The following NOX3 variants were observed in gnomAD, a reference collection of about 807,000 sequenced individuals.
NOX3 encodes NADPH oxidase 3, also known as NADPH oxidase catalytic subunit-like 3.
In NOX3, 74 loss-of-function variants were observed where a neutral mutation model predicts 76.7. That is an observed-to-expected ratio of 0.96 (90% CI 0.80 to 1.17). NOX3 has a LOEUF of 1.17. Among genes scored for constraint, NOX3 ranks in the 50% most tolerant of loss-of-function variants. The probability of loss-of-function intolerance (pLI) is 0.00; values close to 1 mark genes in which losing one functional copy is unlikely to be tolerated. For synonymous variants in NOX3, 263 were observed against 261.1 expected, an observed-to-expected ratio of 1.01 and a Z score of -0.07; for missense variants, 695 against 703.3, an observed-to-expected ratio of 0.99 and a Z score of 0.13.
intron 10 of NOX3, among the ~76,000 whole-genome samples, chr6:155,421,387 GA>G (rs1179924611): frequency 2.6e-5 from 4 of 152,188 alleles, no homozygotes; most frequent in Non-Finnish European, 4.4e-5. Flanking sequence ...GGAAACTCAT[GA>G]AATAGTTAAC....
intron 7 of NOX3, among the ~76,000 whole-genome samples, chr6:155,434,914 C>T (rs530762692): frequency 1.1e-4 from 17 of 152,224 alleles, no homozygotes; most frequent in African/African-American, 3.1e-4. Context: ...ATCAGAGCAC[C>T]GTGAAAACGC....
At chr6:155,414,989 G>A (rs1562461177) in intron 10 of NOX3, among the ~76,000 whole-genome samples, 1 of 152,106 alleles carries the variant, frequency 6.6e-6, no homozygotes, top group South Asian at 2.1e-4. Context: ...GACTGTCATG[G>A]CGTTGAGGGT....
intron 9 of NOX3, among the ~76,000 whole-genome samples, chr6:155,426,420 G>T (rs1485051176): frequency 6.6e-6 from 1 of 152,170 alleles, no homozygotes; most frequent in Non-Finnish European, 1.5e-5. Context: ...AACATGCCAG[G>T]TGGTGGTATG....
At chr6:155,452,638 C>CTTT (rs34384795) in intron 4 of NOX3, among the ~76,000 whole-genome samples, 16 of 149,600 alleles carry the variant, frequency 1.1e-4, no homozygotes, top group African/African-American at 3.9e-4. Context: ...TTTTACTCTG[C>CTTT]TTTTTTTTTT....
intron 12 of NOX3, among the ~76,000 whole-genome samples, chr6:155,398,779 C>A (rs778005390): frequency 6.6e-6 from 1 of 152,122 alleles, no homozygotes; most frequent in Non-Finnish European, 1.5e-5. Context: ...TTGGGCATGT[C>A]AATTACCTTC....
chr6:155,424,338 G>C (rs1273101147), intron 9 of NOX3, among the ~76,000 whole-genome samples: 1 of 152,132 alleles, frequency 6.6e-6, no homozygotes, highest in African/African-American at 2.4e-5. Context: ...AGCACTCCCT[G>C]ACATGAAGTT....
intron 6 of NOX3, among the ~76,000 whole-genome samples, chr6:155,437,321 T>C (rs752893274): frequency 1.3e-4 from 20 of 152,210 alleles, no homozygotes; most frequent in Admixed American, 9.2e-4. Context: ...GTTCAGTTCC[T>C]AGGTGTTTGT....
chr6:155,436,443 G>C lies in NOX3; in HGVS notation c.773C>G (p.Pro258Arg), dbSNP rs758178198. ...EWQTVAQCPV[P>R]QFSGKEPSAW... is the part of the protein sequence containing the mutation. ...CGAGGGTTCCTTGCCAGAAAATTGA[G>C]GCACGGGGCATTGGGCCACTGTCTG... is the stretch of plus-strand genomic sequence containing the variant. The change falls in exon 7 of 14, where the codon CCT (proline) becomes CGT (arginine). Residue 258 changes from proline to arginine, a missense_variant. Coordinates refer to ENST00000159060, the MANE Select transcript of NOX3 (RefSeq NM_015718.3). The C allele has an allele frequency of 1.2e-6, 2 of 1,614,128 alleles. No homozygotes were observed. The highest frequency in any genetic ancestry group is 8.5e-7 in the Non-Finnish European group (1 of 1,179,998).
At chr6:155,426,960 C>T (rs1337640295) in intron 9 of NOX3, among the ~76,000 whole-genome samples, 2 of 125,052 alleles carry the variant, frequency 1.6e-5, no homozygotes, top group South Asian at 2.7e-4. Flanking sequence ...GAGCAGGGAC[C>T]GAGAAAGCAG....
chr6:155,405,207 G>A (rs546617386), intron 12 of NOX3, among the ~76,000 whole-genome samples: 3 of 152,184 alleles, frequency 2.0e-5, no homozygotes, highest in Non-Finnish European at 4.4e-5. Flanking sequence ...CATCGCCGGG[G>A]ATATGGAAGC....
chr6:155,447,871 C>A (rs1050033017), intron 4 of NOX3, among the ~76,000 whole-genome samples: 2 of 152,132 alleles, frequency 1.3e-5, no homozygotes, highest in Non-Finnish European at 2.9e-5. Context: ...TTGATAGACA[C>A]CAGGGGAGAT....
At chr6:155,436,245 G>A (rs1347367745) in intron 7 of NOX3, among the ~76,000 whole-genome samples, 173 bp downstream of exon 7, 1 of 152,160 alleles carries the variant, frequency 6.6e-6, no homozygotes, top group Non-Finnish European at 1.5e-5. Context: ...TAGTGCTTTT[G>A]GCAGTAAACC....
intron 10 of NOX3, among the ~76,000 whole-genome samples, chr6:155,413,727 C>T (rs1040606469): frequency 2.6e-5 from 4 of 152,122 alleles, no homozygotes; most frequent in Non-Finnish European, 4.4e-5. Context: ...TGCATGACCC[C>T]CTCCTCCCTG....
At chr6:155,435,289 G>A (rs1280241782) in intron 7 of NOX3, among the ~76,000 whole-genome samples, 1 of 152,066 alleles carries the variant, frequency 6.6e-6, no homozygotes, top group Non-Finnish European at 1.5e-5. Flanking sequence ...GGGGAGTATT[G>A]ATTTTTTTAT....
At chr6:155,409,716 A>T (rs1371808820) in intron 11 of NOX3, among the ~76,000 whole-genome samples, 1 of 152,200 alleles carries the variant, frequency 6.6e-6, no homozygotes, top group East Asian at 1.9e-4. Flanking sequence ...TAAATGTGGA[A>T]ATTAGTGATT....
intron 6 of NOX3, among the ~76,000 whole-genome samples, chr6:155,437,369 C>A (rs1776919762): frequency 6.6e-6 from 1 of 152,180 alleles, no homozygotes; most frequent in African/African-American, 2.4e-5. Flanking sequence ...AAACATGCTA[C>A]TCTAGACTGA....
At position 155,395,580 on chromosome 6, in the gene NOX3, C is replaced by T. The variant is rs1412514083; in HGVS notation, c.*28-6G>A. 6.6e-6 allele frequency: 1 copy of T among 152,088 alleles called. No homozygotes were observed. The highest frequency in any genetic ancestry group is 1.5e-5 in the Non-Finnish European group (1 of 68,004). 9.4% of individuals were successfully genotyped at this position (152,088 alleles called of 1,614,324 possible). A position where few individuals can be genotyped will look rare whatever the true frequency, so the allele number is the denominator to read the frequency against. On this transcript the variant is annotated splice_region_variant and splice_polypyrimidine_tract_variant and intron_variant, in intron 13 of 13. Transcript: ENST00000159060. ...TCAATAACTTGATTGAAAACCTAAACAAAAGATTTGAGATATTATCAGTGA... is the reference window on the plus strand; with the variant it reads ...TCAATAACTTGATTGAAAACCTAAATAAAAGATTTGAGATATTATCAGTGA...
In NOX3 at chr6:155,440,410, C is replaced by G. The variant is rs12530255; in HGVS notation, c.487-273G>C. Among the ~76,000 whole-genome samples the G allele has an allele frequency of 8.9e-3, 1,350 of 151,956 alleles. 72 individuals are homozygous for G. Among genetic ancestry groups the G allele is most frequent in the Admixed American group, 0.081 (1,229 of 15,254 alleles). On this transcript the variant is annotated intron_variant, in intron 5 of 13. Coordinates refer to ENST00000159060, the MANE Select transcript of NOX3 (RefSeq NM_015718.3). ...TCGTAAAATACCATTTCATCAATCA[C>G]ATTTTTTTATTTTTGTATATATCAT...
At chr6:155,415,516 C>A (rs187182438) in intron 10 of NOX3, among the ~76,000 whole-genome samples, 2 of 152,158 alleles carry the variant, frequency 1.3e-5, no homozygotes, top group Non-Finnish European at 2.9e-5. Flanking sequence ...TGGCCCAGAA[C>A]CCCTCTAAAC....
Sources: allele counts gnomAD v4.1 joint callset (sites outside exome capture counted in the v4.1 genomes callset), GRCh38; gene constraint gnomAD v4.1.1; transcripts MANE v1.5; gene names NCBI Gene and HGNC (gene_info 2026-07-23, HGNC 2026-07-21).